Variants in CRADD observed in about 807,000 individuals in gnomAD.
CRADD encodes death domain-containing protein CRADD.
CRADD carries 9 observed loss-of-function variants against 15.5 expected under a neutral mutation model. That is an observed-to-expected ratio of 0.58 (90% CI 0.35 to 1.01). The LOEUF (loss-of-function observed/expected upper bound fraction) is 1.01, where lower values mean the gene tolerates loss of function less well. Among genes scored for constraint, CRADD ranks in the 50% least tolerant of loss-of-function variants. The pLI, the probability that CRADD is intolerant of heterozygous loss-of-function variation, is 0.02. For missense variants in CRADD, 227 were observed against 250.3 expected, an observed-to-expected ratio of 0.91 and a Z score of 0.63; for synonymous variants, 118 against 107.6, an observed-to-expected ratio of 1.10 and a Z score of -0.60.
At chr12:93,753,167 G>A (rs747620554) in intron 2 of CRADD, among the ~76,000 whole-genome samples, 6 of 152,050 alleles carry the variant, frequency 3.9e-5, no homozygotes, top group African/African-American at 1.5e-4. Context: ...GCGAGAGAGT[G>A]TGTGTAGGTG....
At chr12:93,836,772 C>T (rs747102266) in intron 2 of CRADD, among the ~76,000 whole-genome samples, 13 of 152,212 alleles carry the variant, frequency 8.5e-5, no homozygotes, top group Non-Finnish European at 1.8e-4. Context: ...TGAGTGCCTA[C>T]TATGTGCAAG....
intron 2 of CRADD, among the ~76,000 whole-genome samples, chr12:93,787,019 C>T (rs1957285302): frequency 6.6e-6 from 1 of 152,028 alleles, no homozygotes; most frequent in African/African-American, 2.4e-5. Context: ...TGTATGAGTC[C>T]ACTTTGAGAG....
chr12:93,756,039 C>T (rs1003273280), intron 2 of CRADD, among the ~76,000 whole-genome samples: 1 of 152,082 alleles, frequency 6.6e-6, no homozygotes, highest in African/African-American at 2.4e-5. Context: ...GTTTATTGAG[C>T]ATGGTTTAAA....
At chr12:93,832,151 A>G (rs1018001487) in intron 2 of CRADD, among the ~76,000 whole-genome samples, 8 of 152,204 alleles carry the variant, frequency 5.3e-5, no homozygotes, top group African/African-American at 1.7e-4. Context: ...GATTCTTAAT[A>G]TGTCAATCAC....
chr12:93,682,851 G>A (rs1267275875), intron 2 of CRADD, among the ~76,000 whole-genome samples: 2 of 152,082 alleles, frequency 1.3e-5, no homozygotes, highest in Admixed American at 6.6e-5. Flanking sequence ...GTTGTTAATG[G>A]ATCATTGGTT....
At chr12:93,765,750 T>G (rs1957020199) in intron 2 of CRADD, among the ~76,000 whole-genome samples, 1 of 152,232 alleles carries the variant, frequency 6.6e-6, no homozygotes, top group African/African-American at 2.4e-5. Context: ...TTTGTTCTCA[T>G]GTCTTCTGTT....
chr12:93,886,586 A>G (rs778934101), intron 2 of CRADD, among the ~76,000 whole-genome samples: 3 of 152,182 alleles, frequency 2.0e-5, no homozygotes, highest in Non-Finnish European at 4.4e-5. Context: ...TTCTGGAGAT[A>G]GGCAGTTCAA....
At chr12:93,769,983 A>G (rs1957066434) in intron 2 of CRADD, among the ~76,000 whole-genome samples, 1 of 152,004 alleles carries the variant, frequency 6.6e-6, no homozygotes. Flanking sequence ...GGAGCTTCCC[A>G]ATTTTAATGT....
chr12:93,748,187 T>G (rs995682362), intron 2 of CRADD, among the ~76,000 whole-genome samples: 4 of 152,230 alleles, frequency 2.6e-5, no homozygotes, highest in Non-Finnish European at 4.4e-5. Flanking sequence ...CATCATTGTT[T>G]GTTGTCCCCT....
At chr12:93,692,774 G>A (rs184968313) in intron 2 of CRADD, among the ~76,000 whole-genome samples, 4 of 152,246 alleles carry the variant, frequency 2.6e-5, no homozygotes, top group South Asian at 4.1e-4. Flanking sequence ...ACATGGAAAC[G>A]TACGAAAGTA....
rs770338285 is a variant in CRADD, at chr12:93,838,454, C to A, written c.299-11516C>A. 3.3e-4 allele frequency among the ~76,000 whole-genome samples: 50 copies of A among 151,916 alleles called. 1 individual carries two copies. Among genetic ancestry groups the A allele is most frequent in the Non-Finnish European group, 1.0e-4 (7 of 67,978 alleles). On this transcript the variant is annotated intron_variant, in intron 2 of 2. Transcript: ENST00000332896. Reference sequence around the variant, plus strand: ...TACAGAGAAACTGGATGTTGTCAGCCCCAGGGGTACCGTGAGACAGCTGGG... The same window carrying A: ...TACAGAGAAACTGGATGTTGTCAGCACCAGGGGTACCGTGAGACAGCTGGG...
intron 2 of CRADD, among the ~76,000 whole-genome samples, chr12:93,731,551 A>G (rs1956464974): frequency 1.3e-5 from 2 of 152,206 alleles, no homozygotes; most frequent in Non-Finnish European, 2.9e-5. Flanking sequence ...TACATATCCA[A>G]TCAGTGTGAA....
intron 2 of CRADD, among the ~76,000 whole-genome samples, chr12:93,840,043 C>T (rs1334403402): frequency 2.6e-5 from 4 of 152,206 alleles, no homozygotes; most frequent in Non-Finnish European, 5.9e-5. Context: ...TGGGATCCAC[C>T]ACTGTTCATG....
intron 2 of CRADD, among the ~76,000 whole-genome samples, chr12:93,866,317 A>ATT (rs1346431586): frequency 6.6e-6 from 1 of 151,452 alleles, no homozygotes; most frequent in Non-Finnish European, 1.5e-5. Context: ...TTTCTCTCTT[A>ATT]TTTTTTGTCA....
chr12:93,783,018 A>G lies in CRADD; in HGVS notation c.299-66952A>G, dbSNP rs115709431. 1.7e-3 allele frequency among the ~76,000 whole-genome samples: 261 copies of G among 152,146 alleles called. 3 individuals carry two copies. Among genetic ancestry groups the G allele is most frequent in the African/African-American group, 6.1e-3 (252 of 41,534 alleles). On this transcript the variant is annotated intron_variant, in intron 2 of 2. Coordinates refer to ENST00000332896, the MANE Select transcript of CRADD (RefSeq NM_003805.5). ...AAAATTCACATAATAAAAACAGTCA[A>G]GTGTTCTATTTGAGAGGCAGAATTT...
At chr12:93,888,444 A>G (rs1958553825) in intron 2 of CRADD, among the ~76,000 whole-genome samples, 3 of 148,966 alleles carry the variant, frequency 2.0e-5, no homozygotes, top group Non-Finnish European at 3.0e-5. Context: ...AAAAAAAGAT[A>G]GAGATGGCAG....
At chr12:93,743,151 C>T (rs1268865391) in intron 2 of CRADD, among the ~76,000 whole-genome samples, 1 of 152,100 alleles carries the variant, frequency 6.6e-6, no homozygotes, top group Admixed American at 6.6e-5. Flanking sequence ...TTAACTAGTA[C>T]TCCGATAATG....
chr12:93,806,478 A>G (rs1957540807), intron 2 of CRADD, among the ~76,000 whole-genome samples: 2 of 149,906 alleles, frequency 1.3e-5, no homozygotes, highest in African/African-American at 4.9e-5. Context: ...AAAAACAAAA[A>G]AAAGAAAAAA....
intron 2 of CRADD, among the ~76,000 whole-genome samples, chr12:93,718,941 G>A (rs887566719): frequency 6.6e-6 from 1 of 151,856 alleles, no homozygotes; most frequent in African/African-American, 2.4e-5. Context: ...TGTATTTTTT[G>A]TAGAGATGGG....
Sources: allele counts gnomAD v4.1 joint callset (sites outside exome capture counted in the v4.1 genomes callset), GRCh38; gene constraint gnomAD v4.1.1; transcripts MANE v1.5; gene names NCBI Gene and HGNC (gene_info 2026-07-23, HGNC 2026-07-21).